The following GABRG3 variants were observed in gnomAD, a reference collection of about 807,000 sequenced individuals.
GABRG3 encodes gamma-aminobutyric acid type A receptor subunit gamma3.
In GABRG3, 25 loss-of-function variants were observed where a neutral mutation model predicts 48.8. That is an observed-to-expected ratio of 0.51 (90% confidence interval 0.37 to 0.72). The LOEUF is 0.72. GABRG3 is among the 30% of genes least tolerant of loss of function. The pLI is 0.00. For missense variants in GABRG3, 394 were observed against 577.9 expected (o/e 0.68, Z 3.26); for synonymous variants, 227 against 217.6 (o/e 1.04, Z -0.38).
intron 5 of GABRG3, among the ~76,000 whole-genome samples, chr15:27,408,398 T>C (rs1887701132): frequency 6.6e-6 from 1 of 152,180 alleles, no homozygotes; most frequent in South Asian, 2.1e-4. Flanking sequence ...CCAGTGATCG[T>C]GCAGCTATTT....
chr15:27,266,130 T>A (rs1890913867), intron 3 of GABRG3, among the ~76,000 whole-genome samples: 1 of 152,158 alleles, frequency 6.6e-6, no homozygotes, highest in South Asian at 2.1e-4. Flanking sequence ...TCTGCCCGCC[T>A]CAGCCTCCCA....
intron 5 of GABRG3, among the ~76,000 whole-genome samples, chr15:27,346,638 G>GT (rs1566797491): frequency 1.3e-3 from 1 of 774 alleles, no homozygotes; most frequent in Non-Finnish European, 2.6e-3. Flanking sequence ...TTTTTTTGAT[G>GT]CTTTTTTTCC....
At chr15:27,072,336 C>A (rs1399242769) in intron 3 of GABRG3, among the ~76,000 whole-genome samples, 1 of 152,084 alleles carries the variant, frequency 6.6e-6, no homozygotes, top group Non-Finnish European at 1.5e-5. Flanking sequence ...CCATGGACAC[C>A]CTTCTTTTTC....
At chr15:27,389,418 T>C (rs182795761) in intron 5 of GABRG3, among the ~76,000 whole-genome samples, 11 of 152,212 alleles carry the variant, frequency 7.2e-5, no homozygotes, top group Non-Finnish European at 1.3e-4. Context: ...GAACACACCA[T>C]ATGCTCAAGT....
intron 5 of GABRG3, among the ~76,000 whole-genome samples, chr15:27,475,730 G>C (rs1595779987): frequency 6.6e-6 from 1 of 151,990 alleles, no homozygotes. Flanking sequence ...TGGTGATGGT[G>C]ATGATGGTAT....
At chr15:27,266,183 A>AT (rs34325172) in intron 3 of GABRG3, among the ~76,000 whole-genome samples, 2 of 150,954 alleles carry the variant, frequency 1.3e-5, no homozygotes, top group Non-Finnish European at 3.0e-5. Context: ...CCTGGACCTG[A>AT]TTTTTTTTTT....
intron 3 of GABRG3, among the ~76,000 whole-genome samples, chr15:27,129,124 G>C (rs572912987): frequency 1.2e-4 from 19 of 152,242 alleles, no homozygotes; most frequent in African/African-American, 4.6e-4. Flanking sequence ...AGAACATTCA[G>C]ATTGTTGTGC....
chr15:27,269,498 C>T (rs1472384361), intron 3 of GABRG3, among the ~76,000 whole-genome samples: 1 of 152,162 alleles, frequency 6.6e-6, no homozygotes, highest in Non-Finnish European at 1.5e-5. Flanking sequence ...TATCCTCTAA[C>T]CATCACTTCC....
chr15:27,469,006 G>T (rs1889700859), intron 5 of GABRG3, among the ~76,000 whole-genome samples: 1 of 152,148 alleles, frequency 6.6e-6, no homozygotes, highest in African/African-American at 2.4e-5. Context: ...TGTGTAGGCG[G>T]AAGATATAAA....
chr15:27,453,171 C>A (rs1165525531), intron 5 of GABRG3, among the ~76,000 whole-genome samples: 1 of 152,138 alleles, frequency 6.6e-6, no homozygotes, highest in East Asian at 1.9e-4. Context: ...TCAAACTGTA[C>A]AAAACTTCAG....
chr15:27,485,854 A>G (rs900828720), intron 6 of GABRG3, among the ~76,000 whole-genome samples: 2 of 152,326 alleles, frequency 1.3e-5, no homozygotes, highest in Admixed American at 6.5e-5. Flanking sequence ...TTTTCAGGCT[A>G]AAGAAAAACA....
intron 2 of GABRG3, among the ~76,000 whole-genome samples, chr15:26,987,051 A>T (rs931050459): frequency 2.0e-5 from 3 of 152,184 alleles, no homozygotes; most frequent in Non-Finnish European, 4.4e-5. Context: ...AGGTCAGGAG[A>T]TTGAGACCAT....
intron 3 of GABRG3, among the ~76,000 whole-genome samples, chr15:27,266,088 C>T (rs1890912519): frequency 6.6e-6 from 1 of 151,990 alleles, no homozygotes; most frequent in Non-Finnish European, 1.5e-5. Flanking sequence ...CCATGTTGGT[C>T]AGGCTGGTCT....
At chr15:27,305,526 T>C (rs573859861) in intron 3 of GABRG3, among the ~76,000 whole-genome samples, 255 of 145,902 alleles carry the variant, frequency 1.7e-3, no homozygotes, top group African/African-American at 6.0e-3. Context: ...ATATATATAA[T>C]ATAAACCTAT....
At chr15:27,097,258 G>C (rs958190005) in intron 3 of GABRG3, among the ~76,000 whole-genome samples, 2 of 152,086 alleles carry the variant, frequency 1.3e-5, no homozygotes, top group African/African-American at 2.4e-5. Flanking sequence ...TGGAAAGGCA[G>C]AGGAAGCTGC....
chr15:27,184,095 T>C (rs553849198), intron 3 of GABRG3, among the ~76,000 whole-genome samples: 97 of 152,338 alleles, frequency 6.4e-4, no homozygotes, highest in African/African-American at 2.3e-3. Flanking sequence ...CTCCAACTTA[T>C]ATAACATCTT....
At chr15:27,355,092 G>A (rs1372130307) in intron 5 of GABRG3, among the ~76,000 whole-genome samples, 1 of 152,152 alleles carries the variant, frequency 6.6e-6, no homozygotes, top group Non-Finnish European at 1.5e-5. Context: ...GGCAGCTAAA[G>A]GCCTGTCTCA....
chr15:27,130,871 C>T (rs1461703858), intron 3 of GABRG3, among the ~76,000 whole-genome samples: 1 of 151,982 alleles, frequency 6.6e-6, no homozygotes, highest in Non-Finnish European at 1.5e-5. Flanking sequence ...GTATACTGTC[C>T]TGTAACTTTA....
At chr15:26,992,861 A>AT (rs1895273536) in intron 2 of GABRG3, among the ~76,000 whole-genome samples, 5 of 151,940 alleles carry the variant, frequency 3.3e-5, no homozygotes, top group Admixed American at 3.3e-4. Context: ...TACTGGGGAA[A>AT]TTTTTATTAT....
Sources: allele counts gnomAD v4.1 joint callset (sites outside exome capture counted in the v4.1 genomes callset), GRCh38; gene constraint gnomAD v4.1.1; transcripts MANE v1.5; gene names NCBI Gene and HGNC (gene_info 2026-07-23, HGNC 2026-07-21).